Variants in BAIAP2 observed in about 807,000 individuals in gnomAD.
The protein encoded by BAIAP2 is BAR/IMD domain-containing adapter protein 2.
BAIAP2 carries 18 observed loss-of-function variants against 63.0 expected under a neutral mutation model. The ratio of observed to expected loss-of-function variants is 0.29; its 90% CI spans 0.20 to 0.42. The LOEUF (loss-of-function observed/expected upper bound fraction) is 0.42. Ranked by LOEUF, BAIAP2 falls within the 10% of genes least tolerant of loss-of-function variation. The pLI is 1.00. For missense variants in BAIAP2, 610 were observed against 734.3 expected, an observed-to-expected ratio of 0.83 and a Z score of 1.96; for synonymous variants, 386 against 307.6, an observed-to-expected ratio of 1.25 and a Z score of -2.67.
At chr17:81,086,647 C>G (rs141506955) in intron 6 of BAIAP2, 67 bp downstream of exon 6, 39 of 1,586,526 alleles carry the variant, frequency 2.5e-5, no homozygotes, top group East Asian at 1.8e-4. Flanking sequence ...CTCGGCCCCC[C>G]TCGTCCACAG....
intron 4 of BAIAP2, chr17:81,085,299 G>A (rs1236143038): frequency 3.9e-6 from 2 of 516,732 alleles, no homozygotes; most frequent in East Asian, 7.0e-5. Context: ...CTAAAGCCAG[G>A]GGTCTGACCC....
At chr17:81,079,964 C>T (rs148795375) in intron 3 of BAIAP2, among the ~76,000 whole-genome samples, 56 of 152,250 alleles carry the variant, frequency 3.7e-4, no homozygotes, top group Non-Finnish European at 6.5e-4. Context: ...TGAGGGAGCC[C>T]GAGAACGCAT....
chr17:81,110,807 C>T, intron 13 of BAIAP2: 1 of 1,454,406 alleles, frequency 6.9e-7, no homozygotes, highest in Non-Finnish European at 9.6e-7. Context: ...TCCGAGTGCT[C>T]CAGGGTTCTA....
At chr17:81,102,126 T>TG (rs1384700754) in intron 7 of BAIAP2, among the ~76,000 whole-genome samples, 3 of 129,602 alleles carry the variant, frequency 2.3e-5, no homozygotes, top group Non-Finnish European at 5.2e-5. Context: ...CGGGCGTGTG[T>TG]GGAAGAGGCC....
At chr17:81,070,456 C>T (rs1234486593) in intron 3 of BAIAP2, among the ~76,000 whole-genome samples, 1 of 152,216 alleles carries the variant, frequency 6.6e-6, no homozygotes, top group Non-Finnish European at 1.5e-5. Context: ...CCCCTCTGCC[C>T]CGTCAGACCT....
intron 13 of BAIAP2, chr17:81,111,079 C>T (rs925223317): frequency 8.2e-7 from 1 of 1,215,438 alleles, no homozygotes; most frequent in East Asian, 2.4e-5. Context: ...GGCCAGGGGT[C>T]CACTGAGCCT....
At chr17:81,098,594 G>A (rs1475637790) in intron 6 of BAIAP2, among the ~76,000 whole-genome samples, 1 of 152,166 alleles carries the variant, frequency 6.6e-6, no homozygotes, top group Non-Finnish European at 1.5e-5. Context: ...AGTACCCTCC[G>A]TCCTGGTGTG....
chr17:81,071,110 T>TC (rs1568113306), intron 3 of BAIAP2, among the ~76,000 whole-genome samples: 24 of 151,450 alleles, frequency 1.6e-4, no homozygotes, highest in African/African-American at 5.3e-4. Context: ...TTTTTTTTTT[T>TC]TCCCCCATTG....
intron 1 of BAIAP2, among the ~76,000 whole-genome samples, chr17:81,048,182 C>A (rs188327274): frequency 6.6e-6 from 1 of 151,974 alleles, no homozygotes; most frequent in Non-Finnish European, 1.5e-5. Flanking sequence ...GTCGGGAGTT[C>A]GAGACTAGCC....
intron 3 of BAIAP2, among the ~76,000 whole-genome samples, chr17:81,058,921 T>TG (rs981473841): frequency 6.6e-5 from 10 of 152,108 alleles, no homozygotes; most frequent in East Asian, 1.9e-4. Context: ...GGCGGTGGGC[T>TG]GGGGGGTCGT....
At chr17:81,048,888 C>G (rs893701325) in intron 1 of BAIAP2, among the ~76,000 whole-genome samples, 2 of 152,230 alleles carry the variant, frequency 1.3e-5, no homozygotes, top group African/African-American at 4.8e-5. Context: ...CCCCTCCTCT[C>G]CCGGCACTTC....
rs2047777156 is a variant in BAIAP2 at position 81,046,178 on chromosome 17, G to GA, written c.55-7489dup. ...CCTGGTTTGTCACCGTCCCCCTTGGGATCCCGTTCTGCAGGCTCCAGCCCA... is the reference window on the plus strand; with the variant it reads ...CCTGGTTTGTCACCGTCCCCCTTGGGAATCCCGTTCTGCAGGCTCCAGCCCA... On this transcript the variant is annotated intron_variant, in intron 1 of 13. Transcript: ENST00000428708. The surrounding 1 kb of genome is among the most constrained non-coding windows in gnomAD (Gnocchi z 4.5). Among the ~76,000 whole-genome samples the GA allele has an allele frequency of 6.6e-6, 1 of 152,084 alleles. No homozygotes were observed. Among genetic ancestry groups the GA allele is most frequent in the African/African-American group, 2.4e-5 (1 of 41,390 alleles).
At chr17:81,055,409 C>T (rs942881111) in intron 2 of BAIAP2, among the ~76,000 whole-genome samples, 5 of 151,948 alleles carry the variant, frequency 3.3e-5, no homozygotes, top group African/African-American at 4.8e-5. Flanking sequence ...TGTTTGCACC[C>T]GGCACCCTGC....
chr17:81,093,527 C>T (rs965654106), intron 6 of BAIAP2, among the ~76,000 whole-genome samples: 3 of 152,072 alleles, frequency 2.0e-5, no homozygotes, highest in African/African-American at 7.2e-5. Flanking sequence ...GGAGAGATGG[C>T]CCCGCATCCC....
intron 3 of BAIAP2, among the ~76,000 whole-genome samples, chr17:81,081,356 C>T (rs943193870): frequency 8.5e-5 from 13 of 152,212 alleles, no homozygotes; most frequent in Non-Finnish European, 1.0e-4. Context: ...AGTCTGCCCC[C>T]GGCCTGAAGC....
chr17:81,063,067 C>T (rs1421911877), intron 3 of BAIAP2, among the ~76,000 whole-genome samples: 1 of 151,962 alleles, frequency 6.6e-6, no homozygotes, highest in Non-Finnish European at 1.5e-5. Flanking sequence ...CCTCCAGGGC[C>T]CACAGGAGCG....
chr17:81,090,866 T>C (rs2056611105), intron 6 of BAIAP2, among the ~76,000 whole-genome samples: 1 of 152,100 alleles, frequency 6.6e-6, no homozygotes, highest in Admixed American at 6.5e-5. Flanking sequence ...TGGTTCCCAT[T>C]GCCTTTGCAA....
At chr17:81,115,687 C>T in intron 13 of BAIAP2, 83 bp from the exon 14 acceptor site, 3 of 1,526,782 alleles carry the variant, frequency 2.0e-6, no homozygotes, top group Non-Finnish European at 2.7e-6. Flanking sequence ...ACTGGGGAAT[C>T]CCTGGGGCAT....
intron 3 of BAIAP2, among the ~76,000 whole-genome samples, chr17:81,059,143 C>A (rs1340731009): frequency 6.6e-6 from 1 of 152,226 alleles, no homozygotes; most frequent in Non-Finnish European, 1.5e-5. Context: ...CACGCCCCCA[C>A]AGGCTGCTGC....
Sources: gnomAD v4.1 joint callset for allele counts (sites outside exome capture counted in the v4.1 genomes callset) on GRCh38, gnomAD v4.1.1 for gene constraint, Gnocchi (gnomAD v3.1) non-coding constraint, MANE v1.5 for transcripts, NCBI Gene and HGNC (gene_info 2026-07-23, HGNC 2026-07-21) for gene names.